The following CUX1 variants were observed in gnomAD, a reference collection of about 807,000 sequenced individuals.
The protein encoded by CUX1 is protein CASP.
Under a neutral mutation model 158.8 loss-of-function variants are expected in CUX1, and 31 were observed. The observed-to-expected ratio is 0.20, with a 90% CI of 0.15 to 0.26. CUX1 has a LOEUF of 0.26. Among genes scored for constraint, CUX1 ranks in the 10% least tolerant of loss-of-function variants. The pLI, the probability that CUX1 is intolerant of heterozygous loss-of-function variation, is 1.00. For missense variants in CUX1, 1,589 were observed against 2,014.6 expected (o/e 0.79, Z 4.04); for synonymous variants, 879 against 862.1 (o/e 1.02, Z -0.34).
intron 22 of CUX1, among the ~76,000 whole-genome samples, chr7:102,234,924 A>G (rs1001959945): frequency 1.3e-5 from 2 of 148,332 alleles, no homozygotes; most frequent in Non-Finnish European, 3.0e-5. Flanking sequence ...CCCTATCTCA[A>G]AAAAAAAAAA....
intron 2 of CUX1, among the ~76,000 whole-genome samples, chr7:101,978,109 A>G (rs1812945884): frequency 6.6e-6 from 1 of 152,096 alleles, no homozygotes; most frequent in African/African-American, 2.4e-5. Context: ...TTTGATATCT[A>G]CAAGACCCTG....
At chr7:101,896,072 A>G (rs182604307) in intron 1 of CUX1, among the ~76,000 whole-genome samples, 3 of 151,114 alleles carry the variant, frequency 2.0e-5, no homozygotes, top group Non-Finnish European at 4.4e-5. Flanking sequence ...TTTATTTATT[A>G]TTTTTTCGAA....
At chr7:102,072,520 A>G (rs893330726) in intron 4 of CUX1, among the ~76,000 whole-genome samples, 2 of 152,210 alleles carry the variant, frequency 1.3e-5, no homozygotes, top group Non-Finnish European at 2.9e-5. Flanking sequence ...TTACAAAGTT[A>G]CGCTTCTCTG....
At chr7:101,821,578 TC>T (rs1464586043) in intron 1 of CUX1, among the ~76,000 whole-genome samples, 2 of 151,108 alleles carry the variant, frequency 1.3e-5, no homozygotes, top group Non-Finnish European at 2.9e-5. Flanking sequence ...CACTTAGTGA[TC>T]CGCCCGCCTT....
intron 2 of CUX1, among the ~76,000 whole-genome samples, chr7:101,930,613 TG>T (rs754652002): frequency 4.6e-5 from 7 of 152,254 alleles, no homozygotes; most frequent in Non-Finnish European, 7.3e-5. Flanking sequence ...GGAGCATGAC[TG>T]GCCTGTTATG....
At chr7:102,115,386 G>T (rs1554491513) in intron 8 of CUX1, 113 bp downstream of exon 8, 3 of 863,190 alleles carry the variant, frequency 3.5e-6, no homozygotes, top group Non-Finnish European at 5.4e-6. Flanking sequence ...GGGACACAGT[G>T]TATTTCCCAT....
intron 22 of CUX1, among the ~76,000 whole-genome samples, chr7:102,238,808 G>A (rs1185760891): frequency 6.6e-6 from 1 of 152,236 alleles, no homozygotes; most frequent in African/African-American, 2.4e-5. Context: ...GTGAGGACCT[G>A]ACATTCCGTC....
intron 10 of CUX1, among the ~76,000 whole-genome samples, chr7:102,172,358 A>C (rs782247741): frequency 6.6e-6 from 1 of 152,114 alleles, no homozygotes; most frequent in Non-Finnish European, 1.5e-5. Flanking sequence ...CTGGGGTTAC[A>C]GGCATGAGCC....
At chr7:101,985,668 C>T (rs896928433) in intron 2 of CUX1, among the ~76,000 whole-genome samples, 1 of 152,208 alleles carries the variant, frequency 6.6e-6, no homozygotes, top group South Asian at 2.1e-4. Context: ...GTTTCCTCAT[C>T]TGTAAAATGT....
chr7:101,831,719 G>T (rs958836871), intron 1 of CUX1, among the ~76,000 whole-genome samples: 1 of 122,222 alleles, frequency 8.2e-6, no homozygotes, highest in African/African-American at 3.1e-5. Flanking sequence ...TCTTCTGAAG[G>T]CCCTGAGAAA....
Position 102,255,019 on chromosome 7 carries a change from G to C in CUX1, c.*5977G>C, listed in dbSNP as rs1003801653. ...ACCAACCCTTGGGCTTAATCAGGAC[G>C]GAAGAGGAGGGGGTGTGGGGGGCAG... On this transcript the variant is annotated 3_prime_UTR_variant, in exon 24 of 24. Transcript: ENST00000292535. The C allele has an allele frequency of 2.0e-6, 2 of 985,386 alleles. No individual in the cohort carries two copies. Among genetic ancestry groups the C allele is most frequent in the South Asian group, 9.4e-5 (2 of 21,290 alleles). 61.0% of individuals were successfully genotyped at this position (985,386 alleles called of 1,614,324 possible).
intron 3 of CUX1, among the ~76,000 whole-genome samples, chr7:102,050,287 G>A (rs1485050267): frequency 6.6e-6 from 1 of 152,222 alleles, no homozygotes; most frequent in Non-Finnish European, 1.5e-5. Flanking sequence ...CATGTTTAAA[G>A]ATGATGGCAT....
rs1268548334 is a variant in CUX1 at position 102,278,445 on chromosome 7, A to G, written c.1680+380A>G. Among the ~76,000 whole-genome samples, 3 of 151,698 alleles carry G rather than the reference A, an allele frequency of 2.0e-5. No individual in the cohort carries two copies. The East Asian group carries it at 5.8e-4, about 30-fold the overall frequency. Reference sequence around the variant, plus strand: ...TCTCTACTAAAAATACAAAAAAAGTATCCGGGCATGGTGGTGCACACCTGT... The same window carrying G: ...TCTCTACTAAAAATACAAAAAAAGTGTCCGGGCATGGTGGTGCACACCTGT... On this transcript the variant is annotated intron_variant, in intron 18 of 22. Transcript: ENST00000292538.
intron 8 of CUX1, among the ~76,000 whole-genome samples, chr7:102,144,393 T>A (rs922180328): frequency 6.6e-6 from 1 of 152,166 alleles, no homozygotes; most frequent in African/African-American, 2.4e-5. Flanking sequence ...GCCCATCCCG[T>A]CTCACCTGTC....
rs78359248 is a variant in CUX1, at chr7:102,201,025, TAAA to T, written c.2063-308_2063-306del. Among the ~76,000 whole-genome samples the T allele has an allele frequency of 1.2e-4, 5 of 42,138 alleles. No individual in the cohort carries two copies. Among genetic ancestry groups the T allele is most frequent in the African/African-American group, 1.0e-4 (1 of 9,692 alleles). 27.6% of individuals were successfully genotyped at this position (42,138 alleles called of 152,430 possible). A position where few individuals can be genotyped will look rare whatever the true frequency, so the allele number is the denominator to read the frequency against. ...CTGGACAACAGCGAGATCCTGTCGC[TAAA>T]AAAAAAAAAAAAAAAAAAAAAAAAA... On this transcript the variant is annotated intron_variant, in intron 17 of 23. Coordinates refer to ENST00000292535, the MANE Select transcript of CUX1 (RefSeq NM_181552.4). This position sits in a 1 kb window ranked among gnomAD's most constrained non-coding sequence, Gnocchi z 5.0.
At chr7:101,974,227 G>C (rs1361425600) in intron 2 of CUX1, among the ~76,000 whole-genome samples, 1 of 151,924 alleles carries the variant, frequency 6.6e-6, no homozygotes, top group African/African-American at 2.4e-5. Flanking sequence ...TTAAGAATCA[G>C]ACCCAAAAAG....
At chr7:102,168,381 C>T (rs1791288199) in intron 9 of CUX1, among the ~76,000 whole-genome samples, 1 of 152,058 alleles carries the variant, frequency 6.6e-6, no homozygotes, top group Non-Finnish European at 1.5e-5. Flanking sequence ...GGCGCGGTGG[C>T]TCATGCCTGT....
chr7:102,277,100 G>C (rs1554547901), intron 17 of CUX1, among the ~76,000 whole-genome samples: 1 of 152,036 alleles, frequency 6.6e-6, no homozygotes, highest in East Asian at 1.9e-4. Context: ...AGGAGTTTGA[G>C]ACCAGCCTGG....
chr7:102,237,595 T>C (rs1372354804), intron 22 of CUX1, among the ~76,000 whole-genome samples: 1 of 152,140 alleles, frequency 6.6e-6, no homozygotes, highest in African/African-American at 2.4e-5. Flanking sequence ...TCCTTCAGGA[T>C]TCAGTTTAAA....
Sources: allele counts gnomAD v4.1 joint callset (sites outside exome capture counted in the v4.1 genomes callset), GRCh38; gene constraint gnomAD v4.1.1; non-coding constraint Gnocchi (gnomAD v3.1); transcripts MANE v1.5; gene names NCBI Gene and HGNC (gene_info 2026-07-23, HGNC 2026-07-21).